The following GRAMD1B variants were observed in gnomAD, a reference collection of about 807,000 sequenced individuals.
GRAMD1B encodes the protein protein Aster-B.
In GRAMD1B, 37 loss-of-function variants were observed where a neutral mutation model predicts 99.7. The ratio of observed to expected loss-of-function variants is 0.37; its 90% confidence interval spans 0.29 to 0.49. The LOEUF (loss-of-function observed/expected upper bound fraction) is 0.49, where lower values mean the gene tolerates loss of function less well. Ranked by LOEUF, GRAMD1B falls within the 20% of genes least tolerant of loss-of-function variation. GRAMD1B has a pLI of 0.98. For missense variants in GRAMD1B, 888 were observed against 1,009.2 expected (o/e 0.88, Z 1.63); for synonymous variants, 427 against 387.6 (o/e 1.10, Z -1.19).
chr11:123,360,899 C>A (rs1326068194), intron 1 of GRAMD1B, among the ~76,000 whole-genome samples: 1 of 151,320 alleles, frequency 6.6e-6, no homozygotes, highest in Non-Finnish European at 1.5e-5. Flanking sequence ...TCACTGCAAC[C>A]TCCGCCTTCC....
chr11:123,405,644 C>T (rs905089471), intron 1 of GRAMD1B, among the ~76,000 whole-genome samples: 4 of 152,106 alleles, frequency 2.6e-5, no homozygotes, highest in Admixed American at 1.3e-4. Flanking sequence ...TGTACCAAGT[C>T]AGAGAATTAG....
chr11:123,600,400 G>T, intron 7 of GRAMD1B, 68 bp from the exon 8 acceptor site: 1 of 971,722 alleles, frequency 1.0e-6, no homozygotes, highest in Non-Finnish European at 1.6e-6. Flanking sequence ...AAAGGATGGA[G>T]GACCATGTCC....
At chr11:123,442,018 G>GT (rs1298786109) in intron 1 of GRAMD1B, among the ~76,000 whole-genome samples, 2 of 152,140 alleles carry the variant, frequency 1.3e-5, no homozygotes, top group Non-Finnish European at 2.9e-5. Flanking sequence ...AGATCAAACT[G>GT]TTTTTTCTTT....
At chr11:123,500,346 T>G (rs2135153052) in intron 2 of GRAMD1B, among the ~76,000 whole-genome samples, 1 of 152,168 alleles carries the variant, frequency 6.6e-6, no homozygotes, top group East Asian at 1.9e-4. Context: ...ATTAACTAAA[T>G]AAATACCAAC....
intron 1 of GRAMD1B, among the ~76,000 whole-genome samples, chr11:123,359,833 A>G (rs6589998): frequency 0.93 from 141,977 of 152,266 alleles, 66,322 homozygotes; most frequent in East Asian, 1. Context: ...TACTCTGGGC[A>G]AGGACAAAGA....
intron 1 of GRAMD1B, among the ~76,000 whole-genome samples, chr11:123,383,790 A>AT: frequency 7.6e-6 from 1 of 131,306 alleles, no homozygotes; most frequent in South Asian, 2.2e-4. Flanking sequence ...CCCTTCATGA[A>AT]TATATATATA....
intron 2 of GRAMD1B, among the ~76,000 whole-genome samples, chr11:123,557,140 G>A (rs762528668): frequency 3.3e-5 from 5 of 152,160 alleles, no homozygotes; most frequent in Non-Finnish European, 7.4e-5. Flanking sequence ...TTCATATACT[G>A]TTGATATAAT....
chr11:123,589,935 C>T (rs1052072912), intron 4 of GRAMD1B, among the ~76,000 whole-genome samples: 2 of 152,114 alleles, frequency 1.3e-5, no homozygotes, highest in Admixed American at 1.3e-4. Flanking sequence ...GGAGCAGCCC[C>T]ATTTGTTTTA....
In GRAMD1B at chr11:123,477,776, TCTC is replaced by T. The variant is rs202244831; in HGVS notation, c.375-3039_375-3037del. Among the ~76,000 whole-genome samples the T allele has an allele frequency of 9.4e-3, 1,190 of 126,672 alleles. 18 individuals are homozygous for T. The highest frequency in any genetic ancestry group is 0.031 in the African/African-American group (1,128 of 35,976). 83.1% of individuals were successfully genotyped at this position (126,672 alleles called of 152,430 possible). On this transcript the variant is annotated intron_variant, in intron 1 of 19. Transcript: ENST00000635736. ...CCTTTCCCTTTTCCTTCCCTTTTCT[TCTC>T]TTTTTTTGTTTTTCAGATGGAGTCT...
intron 1 of GRAMD1B, among the ~76,000 whole-genome samples, chr11:123,367,701 T>C (rs1946367933): frequency 1.3e-5 from 2 of 152,228 alleles, no homozygotes; most frequent in African/African-American, 4.8e-5. Context: ...TTTTCTTTTT[T>C]TTTTTTAGCA....
chr11:123,377,262 C>A (rs1946719408), intron 1 of GRAMD1B, among the ~76,000 whole-genome samples: 1 of 152,178 alleles, frequency 6.6e-6, no homozygotes, highest in South Asian at 2.1e-4. Flanking sequence ...TGGTAGCTGG[C>A]ATAAAAATCC....
chr11:123,382,057 G>A (rs1281128535), intron 1 of GRAMD1B, among the ~76,000 whole-genome samples: 2 of 152,196 alleles, frequency 1.3e-5, no homozygotes, highest in Non-Finnish European at 2.9e-5. Flanking sequence ...AAGTGAAACT[G>A]AGGTGGTTTC....
At chr11:123,598,106 T>C in intron 7 of GRAMD1B, 1 of 1,589,246 alleles carries the variant, frequency 6.3e-7, no homozygotes, top group East Asian at 2.2e-5. Flanking sequence ...CTGTGTCACA[T>C]TAGCAAAGTG....
At chr11:123,507,714 C>A (rs1319333060) in intron 2 of GRAMD1B, among the ~76,000 whole-genome samples, 1 of 152,020 alleles carries the variant, frequency 6.6e-6, no homozygotes, top group African/African-American at 2.4e-5. Flanking sequence ...TCTGAATAGT[C>A]CCAAGATTTT....
upstream of GRAMD1B, among the ~76,000 whole-genome samples, chr11:123,429,111 T>G (rs754466954): frequency 6.6e-6 from 1 of 152,150 alleles, no homozygotes; most frequent in Non-Finnish European, 1.5e-5. This position sits in a 1 kb window ranked among gnomAD's most constrained non-coding sequence, Gnocchi z 4.0. Context: ...GAGGACAGCT[T>G]GAGCCCAGGA....
intron 2 of GRAMD1B, among the ~76,000 whole-genome samples, chr11:123,522,143 A>T (rs950720670): frequency 1.3e-5 from 2 of 152,110 alleles, no homozygotes; most frequent in Admixed American, 6.6e-5. Context: ...AGGTTGTGTT[A>T]GTGCTTGCGA....
intron 2 of GRAMD1B, among the ~76,000 whole-genome samples, chr11:123,495,276 A>G (rs535920731): frequency 6.6e-6 from 1 of 152,276 alleles, no homozygotes; most frequent in South Asian, 2.1e-4. Flanking sequence ...ATGCTTTTTA[A>G]AAAATTAAAA....
rs978707112 is a variant in GRAMD1B, at chr11:123,627,765, C to A, written c.*5170C>A. 1 of 152,218 alleles carries A rather than the reference C, an allele frequency of 6.6e-6. No homozygotes were observed. The highest frequency in any genetic ancestry group is 2.4e-5 in the African/African-American group (1 of 41,446). 9.4% of individuals were successfully genotyped at this position (152,218 alleles called of 1,614,324 possible). A position where few individuals can be genotyped will look rare whatever the true frequency, so the allele number is the denominator to read the frequency against. The stretch of plus-strand genomic sequence containing the variant: ...TTAAAAAGAAAAAAGTATTGAACTA[C>A]AATAATAAATGGTGTGCGTGTTTAT... On this transcript the variant is annotated 3_prime_UTR_variant, in exon 20 of 20. Coordinates refer to ENST00000635736, the MANE Select transcript of GRAMD1B (RefSeq NM_001387025.1).
intron 2 of GRAMD1B, among the ~76,000 whole-genome samples, chr11:123,508,322 G>A (rs1940636163): frequency 6.6e-6 from 1 of 152,070 alleles, no homozygotes; most frequent in African/African-American, 2.4e-5. Flanking sequence ...CCACTCTTAT[G>A]ATAACTAACT....
Sources: gnomAD v4.1 joint callset for allele counts (sites outside exome capture counted in the v4.1 genomes callset) on GRCh38, gnomAD v4.1.1 for gene constraint, Gnocchi (gnomAD v3.1) non-coding constraint, MANE v1.5 for transcripts, NCBI Gene and HGNC (gene_info 2026-07-23, HGNC 2026-07-21) for gene names.